ARMC9: variants seen among roughly 807,000 people sequenced by gnomAD.
ARMC9 encodes the protein lisH domain-containing protein ARMC9.
A neutral mutation model predicts 107.0 loss-of-function variants in ARMC9; 94 were observed. The ratio of observed to expected loss-of-function variants is 0.88; its 90% CI spans 0.74 to 1.04. The LOEUF (loss-of-function observed/expected upper bound fraction) is 1.04. ARMC9 is among the 50% of genes least tolerant of loss of function. ARMC9 has a pLI of 0.00. For synonymous variants in ARMC9, 380 were observed against 396.9 expected, an observed-to-expected ratio of 0.96 and a Z score of 0.51; for missense variants, 942 against 1,030.1, an observed-to-expected ratio of 0.91 and a Z score of 1.17.
At chr2:231,206,452 T>C (rs554288606) in intron 2 of ARMC9, among the ~76,000 whole-genome samples, 163 bp downstream of exon 2, 2 of 152,364 alleles carry the variant, frequency 1.3e-5, no homozygotes, top group African/African-American at 4.8e-5. Context: ...TTTGGTTTTA[T>C]AACTAAACAA....
intron 12 of ARMC9, chr2:231,270,728 G>C (rs938435735): frequency 1.6e-6 from 1 of 618,350 alleles, no homozygotes; most frequent in African/African-American, 1.8e-5. Context: ...TGCTTCCCTC[G>C]CGCCAGTCAC....
At chr2:231,235,676 CTT>C (rs1272383310) in intron 8 of ARMC9, among the ~76,000 whole-genome samples, 1 of 152,138 alleles carries the variant, frequency 6.6e-6, no homozygotes, top group Non-Finnish European at 1.5e-5. Flanking sequence ...GAGTTTTGCT[CTT>C]GTTGCCCAGG....
At chr2:231,242,027 A>G (rs1036839750) in intron 9 of ARMC9, among the ~76,000 whole-genome samples, 1 of 152,170 alleles carries the variant, frequency 6.6e-6, no homozygotes, top group Non-Finnish European at 1.5e-5. Context: ...CAATAAAACA[A>G]ACACCCACAA....
At position 231,221,948 on chromosome 2, in the gene ARMC9, C is replaced by T. The variant is rs184465729; in HGVS notation, c.505-780C>T. Among the ~76,000 whole-genome samples, 401 of 151,402 alleles carry T rather than the reference C, an allele frequency of 2.6e-3. 4 individuals are homozygous for T. Among genetic ancestry groups the T allele is most frequent in the African/African-American group, 8.9e-3 (368 of 41,178 alleles). Reference sequence around the variant, plus strand: ...GGGAGGCATGGAGGAGGGTACAGAGCTGGAGAGGCAGAGACAGTGGGGAAG... The same window carrying T: ...GGGAGGCATGGAGGAGGGTACAGAGTTGGAGAGGCAGAGACAGTGGGGAAG... On this transcript the variant is annotated intron_variant, in intron 5 of 24. Transcript: ENST00000611582.
intron 23 of ARMC9, among the ~76,000 whole-genome samples, chr2:231,363,092 G>A (rs2045657999): frequency 6.6e-6 from 1 of 152,102 alleles, no homozygotes; most frequent in Non-Finnish European, 1.5e-5. Context: ...GAAGTGCAGG[G>A]CTGCAGGGAG....
intron 9 of ARMC9, among the ~76,000 whole-genome samples, chr2:231,243,576 C>T (rs1479738169): frequency 6.6e-6 from 1 of 152,176 alleles, no homozygotes; most frequent in Non-Finnish European, 1.5e-5. Context: ...CTTTGTCTAA[C>T]CACTGGAAAC....
intron 19 of ARMC9, among the ~76,000 whole-genome samples, chr2:231,307,978 G>A (rs978436793): frequency 2.0e-5 from 3 of 152,252 alleles, no homozygotes; most frequent in Non-Finnish European, 4.4e-5. Context: ...GCTAACCAAG[G>A]GGGGTTCACT....
intron 19 of ARMC9, among the ~76,000 whole-genome samples, chr2:231,306,593 A>G (rs967459347): frequency 2.0e-5 from 3 of 152,186 alleles, no homozygotes; most frequent in African/African-American, 7.2e-5. Flanking sequence ...ACAAAGTGCA[A>G]TCAGAACTAG....
intron 19 of ARMC9, among the ~76,000 whole-genome samples, chr2:231,317,053 T>C (rs2042733696): frequency 6.6e-6 from 1 of 152,212 alleles, no homozygotes; most frequent in Non-Finnish European, 1.5e-5. Flanking sequence ...ATTGCTCCCC[T>C]GTATGTAATG....
At chr2:231,271,681 C>T (rs755756936) in intron 13 of ARMC9, among the ~76,000 whole-genome samples, 3 of 152,252 alleles carry the variant, frequency 2.0e-5, no homozygotes, top group Middle Eastern at 3.4e-3. Context: ...TTTGTTCATT[C>T]GTTCTTCCAT....
At chr2:231,313,675 C>T (rs1357510594) in intron 19 of ARMC9, among the ~76,000 whole-genome samples, 2 of 152,130 alleles carry the variant, frequency 1.3e-5, no homozygotes, top group Non-Finnish European at 2.9e-5. Flanking sequence ...CCCAGGTAAC[C>T]ATCAATCTGC....
At chr2:231,293,327 G>T (rs1285224068) in intron 18 of ARMC9, among the ~76,000 whole-genome samples, 1 of 152,144 alleles carries the variant, frequency 6.6e-6, no homozygotes, top group Non-Finnish European at 1.5e-5. Context: ...GCCACGGTGT[G>T]GGGGCGGAGG....
intron 2 of ARMC9, among the ~76,000 whole-genome samples, chr2:231,207,258 T>G (rs917725089): frequency 1.3e-5 from 2 of 152,208 alleles, no homozygotes; most frequent in Non-Finnish European, 2.9e-5. Flanking sequence ...TCCTCCTGCC[T>G]CAGCCTCCCA....
In ARMC9 at chr2:231,336,939, G is replaced by A. The variant is rs146057760; in HGVS notation, c.1878+5042G>A. Among the ~76,000 whole-genome samples the A allele has an allele frequency of 5.9e-4, 90 of 152,246 alleles. No homozygotes were observed. The East Asian group carries it at 0.013, about 23-fold the overall frequency. On this transcript the variant is annotated intron_variant, in intron 20 of 24. Coordinates refer to ENST00000611582, the MANE Select transcript of ARMC9 (RefSeq NM_001352754.2). ...TCCTAGGCTGGGCTCAGACCTGGGC[G>A]AGCCCCTGGAGACAGGAGAGGGCCC...
chr2:231,202,169 T>C (rs1166710744), intron 1 of ARMC9, among the ~76,000 whole-genome samples: 1 of 151,940 alleles, frequency 6.6e-6, no homozygotes, highest in Middle Eastern at 3.2e-3. Flanking sequence ...CCGGCTAATT[T>C]TTGTATTTTT....
At chr2:231,272,717 T>C (rs2039445665) in intron 13 of ARMC9, among the ~76,000 whole-genome samples, 1 of 152,046 alleles carries the variant, frequency 6.6e-6, no homozygotes, top group African/African-American at 2.4e-5. Context: ...GGTTTCACCA[T>C]GTTGGCCAGG....
At chr2:231,368,075 AT>A (rs2125599098) in intron 23 of ARMC9, among the ~76,000 whole-genome samples, 1 of 152,286 alleles carries the variant, frequency 6.6e-6, no homozygotes, top group South Asian at 2.1e-4. Flanking sequence ...TTTGAACCAA[AT>A]AATTTTAAAA....
chr2:231,288,748 G>C, intron 17 of ARMC9: 1 of 471,000 alleles, frequency 2.1e-6, no homozygotes, highest in Non-Finnish European at 4.4e-6. Context: ...AGGGCCACAC[G>C]GCCGGCGAGG....
At chr2:231,310,129 A>G (rs765466249) in intron 19 of ARMC9, among the ~76,000 whole-genome samples, 1 of 152,180 alleles carries the variant, frequency 6.6e-6, no homozygotes, top group Admixed American at 6.5e-5. Context: ...AAGTTCAGCT[A>G]TGGGGCCGGG....
Sources: allele counts gnomAD v4.1 joint callset (sites outside exome capture counted in the v4.1 genomes callset), GRCh38; gene constraint gnomAD v4.1.1; transcripts MANE v1.5; gene names NCBI Gene and HGNC (gene_info 2026-07-23, HGNC 2026-07-21).